Variants in INSYN2B observed in about 807,000 individuals in gnomAD.
The protein encoded by INSYN2B is protein INSYN2B.
In INSYN2B, 16 loss-of-function variants were observed where a neutral mutation model predicts 41.2. The observed-to-expected ratio is 0.39, with a 90% confidence interval of 0.26 to 0.59. The LOEUF is 0.59. Ranked by LOEUF, INSYN2B falls within the 20% of genes least tolerant of loss-of-function variation. INSYN2B has a pLI of 0.57. For synonymous variants in INSYN2B, 245 were observed against 244.4 expected (o/e 1.00, Z -0.02); for missense variants, 608 against 646.4 (o/e 0.94, Z 0.64).
intron 1 of INSYN2B, among the ~76,000 whole-genome samples, chr5:169,904,649 C>G (rs1483416165): frequency 6.6e-6 from 1 of 152,194 alleles, no homozygotes; most frequent in Non-Finnish European, 1.5e-5. Flanking sequence ...GAGGGCCCCG[C>G]AGTCCTTTAA....
chr5:169,971,298 G>A (rs528445010), intron 1 of INSYN2B, among the ~76,000 whole-genome samples: 1 of 152,302 alleles, frequency 6.6e-6, no homozygotes, highest in South Asian at 2.1e-4. Flanking sequence ...CAGCCTGCCG[G>A]GGAGCTGGGG....
At chr5:169,911,535 G>A (rs987832573) in intron 1 of INSYN2B, among the ~76,000 whole-genome samples, 12 of 152,278 alleles carry the variant, frequency 7.9e-5, no homozygotes, top group Non-Finnish European at 1.8e-4. Context: ...GAGTTCCTGA[G>A]ACAGTTTGAG....
Position 169,916,489 on chromosome 5 carries a change from C to T in INSYN2B, c.-918-31673G>A, listed in dbSNP as rs556406729. On this transcript the variant is annotated intron_variant, in intron 1 of 3. Coordinates refer to ENST00000377365, the MANE Select transcript of INSYN2B (RefSeq NM_001129891.3). The stretch of plus-strand genomic sequence containing the variant: ...ATAGCAAAGTGATGAAGGGGATGGA[C>T]GCTAGAATTGGAACCATGGCTCTGC... 1.8e-4 allele frequency among the ~76,000 whole-genome samples: 27 copies of T among 152,314 alleles called. No homozygotes were observed. In the South Asian group the frequency reaches 4.6e-3, roughly 26 times the overall value.
rs931055267 is a variant in INSYN2B at position 169,862,345 on chromosome 5, A to G, written c.*1928T>C. Among the ~76,000 whole-genome samples, 2 of 152,240 alleles carry G rather than the reference A, an allele frequency of 1.3e-5. No homozygotes were observed. Among genetic ancestry groups the G allele is most frequent in the African/African-American group, 4.8e-5 (2 of 41,470 alleles). ...TCTAGCATGATGCCCGAGAATATAA[A>G]TTCACATGAAATTAGCGTAAGCAAA... On this transcript the variant is annotated 3_prime_UTR_variant, in exon 4 of 4. Coordinates refer to ENST00000377365, the MANE Select transcript of INSYN2B (RefSeq NM_001129891.3).
chr5:169,903,865 C>T (rs972166881), intron 1 of INSYN2B, among the ~76,000 whole-genome samples: 50 of 151,780 alleles, frequency 3.3e-4, no homozygotes, highest in African/African-American at 1.2e-3. Flanking sequence ...TTTGGGAGGC[C>T]GAGGCAGGTG....
chr5:169,910,595 T>C (rs1251480510), intron 1 of INSYN2B, among the ~76,000 whole-genome samples: 1 of 152,170 alleles, frequency 6.6e-6, no homozygotes, highest in East Asian at 1.9e-4. Flanking sequence ...ACTAAGTGTT[T>C]GGCACTGAGT....
intron 1 of INSYN2B, among the ~76,000 whole-genome samples, chr5:169,910,107 C>T (rs1016360919): frequency 6.6e-6 from 1 of 152,110 alleles, no homozygotes; most frequent in East Asian, 1.9e-4. Context: ...ATGTCTGTGG[C>T]CTGGTGTTAG....
chr5:169,953,989 A>G (rs758851735), intron 1 of INSYN2B, among the ~76,000 whole-genome samples: 1 of 152,242 alleles, frequency 6.6e-6, no homozygotes, highest in African/African-American at 2.4e-5. Flanking sequence ...GGCACAGAGT[A>G]AGTGATTTAT....
intron 3 of INSYN2B, among the ~76,000 whole-genome samples, chr5:169,865,807 A>T (rs1251335415): frequency 6.6e-6 from 1 of 152,216 alleles, no homozygotes; most frequent in Non-Finnish European, 1.5e-5. Flanking sequence ...ATGATGTGGC[A>T]TGACTGGCCA....
At chr5:169,935,236 G>GCGGGAACTAAGAT (rs60663179) in intron 1 of INSYN2B, among the ~76,000 whole-genome samples, 1 of 152,060 alleles carries the variant, frequency 6.6e-6, no homozygotes, top group African/African-American at 2.4e-5. Context: ...TACACTGTTT[G>GCGGGAACTAAGAT]CTGTGAGTCA....
chr5:169,952,696 T>C lies in INSYN2B; in HGVS notation c.-919+27581A>G, dbSNP rs545908321. Among the ~76,000 whole-genome samples, 34 of 152,236 alleles carry C rather than the reference T, an allele frequency of 2.2e-4. No homozygotes were observed. In the East Asian group the frequency reaches 5.2e-3, roughly 23 times the overall value. On this transcript the variant is annotated intron_variant, in intron 1 of 3. Coordinates refer to ENST00000377365, the MANE Select transcript of INSYN2B (RefSeq NM_001129891.3). ...TTTCCTAATCCCGTGGATATCATGC[T>C]CCAGCCAGCCTTGCCCCTGGAATGG...
chr5:169,957,653 G>A (rs527644954), intron 1 of INSYN2B, among the ~76,000 whole-genome samples: 7 of 152,156 alleles, frequency 4.6e-5, no homozygotes, highest in East Asian at 1.9e-4. Context: ...GGCAATGCGC[G>A]AGGAAGCCTC....
rs2113412821 is a variant in INSYN2B at position 169,862,562 on chromosome 5, T to G, written c.*1711A>C. Among the ~76,000 whole-genome samples, 1 of 152,380 alleles carries G rather than the reference T, an allele frequency of 6.6e-6. No individual in the cohort carries two copies. The highest frequency in any genetic ancestry group is 2.4e-5 in the African/African-American group (1 of 41,594). On this transcript the variant is annotated 3_prime_UTR_variant, in exon 4 of 4. Coordinates refer to ENST00000377365, the MANE Select transcript of INSYN2B (RefSeq NM_001129891.3). ...GTAGCATATCTTATTGAAATGTGGC[T>G]TCTTAAGTATGACAAGTGTATTTAT...
At chr5:169,958,514 A>C (rs1315600426) in intron 1 of INSYN2B, among the ~76,000 whole-genome samples, 1 of 152,078 alleles carries the variant, frequency 6.6e-6, no homozygotes, top group African/African-American at 2.4e-5. Flanking sequence ...AGCTGTTACC[A>C]TTAGCCCAGC....
chr5:169,910,353 A>G (rs1347364199), intron 1 of INSYN2B, among the ~76,000 whole-genome samples: 1 of 152,230 alleles, frequency 6.6e-6, no homozygotes, highest in Non-Finnish European at 1.5e-5. Flanking sequence ...AGGTCACTAC[A>G]AAGTCATTTA....
At chr5:169,894,284 A>AGATCAGAG (rs1169552502) in intron 1 of INSYN2B, among the ~76,000 whole-genome samples, 1 of 152,220 alleles carries the variant, frequency 6.6e-6, no homozygotes, top group Admixed American at 6.5e-5. Context: ...AAATTTCATT[A>AGATCAGAG]GATCAGAGAG....
chr5:169,977,272 C>T (rs1041053496), intron 1 of INSYN2B, among the ~76,000 whole-genome samples: 8 of 152,174 alleles, frequency 5.3e-5, no homozygotes, highest in African/African-American at 1.9e-4. Flanking sequence ...AGGCTCTTAG[C>T]TGTTCATCCC....
At chr5:169,918,129 T>G (rs190386818) in intron 1 of INSYN2B, among the ~76,000 whole-genome samples, 6 of 152,362 alleles carry the variant, frequency 3.9e-5, no homozygotes, top group Non-Finnish European at 2.9e-5. Context: ...AAAAATATCC[T>G]GTTCAATTTG....
intron 1 of INSYN2B, among the ~76,000 whole-genome samples, chr5:169,948,299 A>AG (rs977290432): frequency 6.6e-6 from 1 of 152,098 alleles, no homozygotes; most frequent in African/African-American, 2.4e-5. Flanking sequence ...CGTTTTTTAA[A>AG]AAAAGGTAAA....
Sources: allele counts gnomAD v4.1 joint callset (sites outside exome capture counted in the v4.1 genomes callset), GRCh38; gene constraint gnomAD v4.1.1; transcripts MANE v1.5; gene names NCBI Gene and HGNC (gene_info 2026-07-23, HGNC 2026-07-21).